The following CELF2 variants were observed in gnomAD, a reference collection of about 807,000 sequenced individuals.
CELF2 encodes the protein CUGBP Elav-like family member 2.
CELF2 carries 8 observed loss-of-function variants against 62.6 expected under a neutral mutation model. The observed-to-expected ratio is 0.13, with a 90% confidence interval of 0.07 to 0.23. The LOEUF (loss-of-function observed/expected upper bound fraction) is 0.23. CELF2 is among the 10% of genes least tolerant of loss of function. CELF2 has a pLI of 1.00. For synonymous variants in CELF2, 258 were observed against 250.0 expected (o/e 1.03, Z -0.30); for missense variants, 333 against 671.0 (o/e 0.50, Z 5.56).
the CELF2 span, among the ~76,000 whole-genome samples, chr10:10,580,487 T>A: frequency 0.037 from 5,615 of 152,220 alleles, 327 homozygotes; most frequent in African/African-American, 0.13. Context: ...CCCTTAAATG[T>A]TAGTATGGTT....
At chr10:10,805,047 A>G (rs2055071174) in intron 1 of CELF2, among the ~76,000 whole-genome samples, 1 of 152,226 alleles carries the variant, frequency 6.6e-6, no homozygotes, top group Admixed American at 6.5e-5. Flanking sequence ...AGATGATAAT[A>G]TACAAGAATT....
chr10:10,733,413 G>A, the CELF2 span, among the ~76,000 whole-genome samples: 1 of 152,120 alleles, frequency 6.6e-6, no homozygotes, highest in African/African-American at 2.4e-5. Flanking sequence ...GTGGGAAATG[G>A]CAAGTGTGCC....
At chr10:10,612,104 T>C in the CELF2 span, among the ~76,000 whole-genome samples, 1 of 152,180 alleles carries the variant, frequency 6.6e-6, no homozygotes, top group Non-Finnish European at 1.5e-5. Context: ...AAGTATTTGG[T>C]AGACCTACCC....
At position 11,227,710 on chromosome 10, in the gene CELF2, G is replaced by GA. The variant is rs1424715308; in HGVS notation, c.354+10203_354+10204insA. On this transcript the variant is annotated intron_variant, in intron 3 of 12. Transcript: ENST00000633077. This position sits in a 1 kb window ranked among gnomAD's most constrained non-coding sequence, Gnocchi z 4.8. ...CAACAGTCAGAGCTCATGATGTCATGGTGGCCTCTGGCAGCTTGGGTTAGA... is the reference window on the plus strand; with the variant it reads ...CAACAGTCAGAGCTCATGATGTCATGAGTGGCCTCTGGCAGCTTGGGTTAGA... Among the ~76,000 whole-genome samples, 2 of 152,178 alleles carry GA rather than the reference G, an allele frequency of 1.3e-5. No individual in the cohort carries two copies. The highest frequency in any genetic ancestry group is 2.9e-5 in the Non-Finnish European group (2 of 68,032).
chr10:10,730,100 T>A, the CELF2 span, among the ~76,000 whole-genome samples: 594 of 152,270 alleles, frequency 3.9e-3, 5 homozygotes, highest in African/African-American at 0.014. Flanking sequence ...ATCAATAAAA[T>A]TTACTAGGGG....
the CELF2 span, among the ~76,000 whole-genome samples, chr10:10,547,410 G>C: frequency 6.6e-6 from 1 of 152,182 alleles, no homozygotes; most frequent in Non-Finnish European, 1.5e-5. Flanking sequence ...CTGTGACAGA[G>C]TGAACAAGTG....
chr10:10,721,696 A>G, the CELF2 span, among the ~76,000 whole-genome samples: 1 of 152,242 alleles, frequency 6.6e-6, no homozygotes, highest in Non-Finnish European at 1.5e-5. Context: ...AACCACTGAT[A>G]TATCCACTTC....
chr10:10,985,096 T>G (rs2052578019), intron 2 of CELF2, among the ~76,000 whole-genome samples: 1 of 152,184 alleles, frequency 6.6e-6, no homozygotes, highest in Non-Finnish European at 1.5e-5. Context: ...TAGGAAAATT[T>G]CGTTCTATGT....
chr10:10,534,793 G>A, the CELF2 span, among the ~76,000 whole-genome samples: 1 of 152,128 alleles, frequency 6.6e-6, no homozygotes, highest in Non-Finnish European at 1.5e-5. Flanking sequence ...TGGTCTAAAA[G>A]AATTGATGCA....
the CELF2 span, among the ~76,000 whole-genome samples, chr10:10,512,826 T>A: frequency 6.6e-6 from 1 of 152,214 alleles, no homozygotes; most frequent in East Asian, 1.9e-4. Context: ...GAATTTCGTT[T>A]GGCATCAGAA....
chr10:10,561,529 A>G, the CELF2 span, among the ~76,000 whole-genome samples: 954 of 152,372 alleles, frequency 6.3e-3, 9 homozygotes, highest in African/African-American at 0.021. Flanking sequence ...AAACAAGAGA[A>G]TTAAGACATT....
chr10:10,758,038 T>C, the CELF2 span, among the ~76,000 whole-genome samples: 1 of 152,216 alleles, frequency 6.6e-6, no homozygotes, highest in African/African-American at 2.4e-5. Flanking sequence ...TGAATGATAT[T>C]GACAGACCTA....
At chr10:11,172,665 C>A (rs1368566919) in intron 2 of CELF2, among the ~76,000 whole-genome samples, 1 of 152,144 alleles carries the variant, frequency 6.6e-6, no homozygotes, top group African/African-American at 2.4e-5. Flanking sequence ...CGTTTTGATC[C>A]TTATATCTCT....
upstream of CELF2, among the ~76,000 whole-genome samples, chr10:11,017,703 G>T (rs1437587852): frequency 6.6e-6 from 1 of 152,178 alleles, no homozygotes; most frequent in East Asian, 1.9e-4. This position sits in a 1 kb window ranked among gnomAD's most constrained non-coding sequence, Gnocchi z 5.5. Flanking sequence ...GGCGGGGAGC[G>T]GGTTTGCCTT....
chr10:10,701,806 C>T, the CELF2 span, among the ~76,000 whole-genome samples: 1 of 152,176 alleles, frequency 6.6e-6, no homozygotes, highest in Non-Finnish European at 1.5e-5. Flanking sequence ...GCTTAGAGAC[C>T]ATGAGAAAGT....
At chr10:10,569,090 G>T in the CELF2 span, among the ~76,000 whole-genome samples, 3 of 152,216 alleles carry the variant, frequency 2.0e-5, no homozygotes, top group East Asian at 5.8e-4. Context: ...GGAAGAAAGG[G>T]GGCTGCTAAT....
chr10:11,124,614 A>G (rs767643709), intron 1 of CELF2, among the ~76,000 whole-genome samples: 3 of 152,214 alleles, frequency 2.0e-5, no homozygotes, highest in African/African-American at 7.2e-5. Context: ...GTAAGGCATT[A>G]TCAGTCTGTT....
intron 1 of CELF2, among the ~76,000 whole-genome samples, chr10:11,026,558 C>G (rs1470027674): frequency 1.3e-5 from 2 of 152,158 alleles, no homozygotes; most frequent in Non-Finnish European, 1.5e-5. Flanking sequence ...GGATTTACTT[C>G]GTTGTTTTGC....
At chr10:10,568,920 C>T in the CELF2 span, among the ~76,000 whole-genome samples, 14 of 152,188 alleles carry the variant, frequency 9.2e-5, no homozygotes, top group Middle Eastern at 3.4e-3. Flanking sequence ...TTTAAAGAAG[C>T]GACTTCTAGT....
Sources: gnomAD v4.1 joint callset for allele counts (sites outside exome capture counted in the v4.1 genomes callset) on GRCh38, gnomAD v4.1.1 for gene constraint, Gnocchi (gnomAD v3.1) non-coding constraint, MANE v1.5 for transcripts, NCBI Gene and HGNC (gene_info 2026-07-23, HGNC 2026-07-21) for gene names.